Variants in CPPED1 observed in about 807,000 individuals in gnomAD.
CPPED1 encodes serine/threonine-protein phosphatase CPPED1.
A neutral mutation model predicts 28.0 loss-of-function variants in CPPED1; 28 were observed. The observed-to-expected ratio is 1.00, with a 90% CI of 0.74 to 1.37. The LOEUF (loss-of-function observed/expected upper bound fraction) is 1.37. Ranked by LOEUF, CPPED1 falls within the 40% of genes most tolerant of loss-of-function variation. The pLI is 0.00. For synonymous variants in CPPED1, 198 were observed against 180.2 expected, an observed-to-expected ratio of 1.10 and a Z score of -0.79; for missense variants, 504 against 416.5, an observed-to-expected ratio of 1.21 and a Z score of -1.83.
rs796934470 is a variant in CPPED1, at chr16:12,663,245, G to A, written c.*1641C>T. On this transcript the variant is annotated 3_prime_UTR_variant, in exon 4 of 4. Coordinates refer to ENST00000381774, the MANE Select transcript of CPPED1 (RefSeq NM_018340.3). ...CTGGCTAATTTTTGTATTTTTAGTA[G>A]AGATGGAGTTTCACCATGTTGGCCA... 5.3e-5 allele frequency: 8 copies of A among 152,296 alleles called. No homozygotes were observed. Among genetic ancestry groups the A allele is most frequent in the African/African-American group, 1.7e-4 (7 of 41,536 alleles). The allele number at this position is 152,296 out of a possible 1,614,324, so 9.4% of individuals were successfully genotyped here.
In CPPED1 at chr16:12,758,328, A is replaced by T. The variant is rs2080385533; in HGVS notation, c.289+22857T>A. Among the ~76,000 whole-genome samples the T allele has an allele frequency of 3.9e-5, 6 of 152,194 alleles. No homozygotes were observed. In the South Asian group the frequency reaches 1.0e-3, roughly 26 times the overall value. On this transcript the variant is annotated intron_variant, in intron 2 of 3. Coordinates refer to ENST00000381774, the MANE Select transcript of CPPED1 (RefSeq NM_018340.3). The stretch of plus-strand genomic sequence containing the variant: ...TCCAGGAGCATGCCTGTGGACAAAT[A>T]GCTCCTAAATGACATTGAGTTTTAA...
intron 2 of CPPED1, among the ~76,000 whole-genome samples, chr16:12,779,975 A>G (rs1436665287): frequency 6.6e-6 from 1 of 152,134 alleles, no homozygotes; most frequent in Non-Finnish European, 1.5e-5. Context: ...GCCTGGGAGA[A>G]AAGGACATCA....
intron 2 of CPPED1, among the ~76,000 whole-genome samples, chr16:12,706,166 G>C (rs1437118048): frequency 1.3e-5 from 2 of 151,916 alleles, no homozygotes; most frequent in African/African-American, 4.8e-5. Context: ...TTAATATATA[G>C]TAAGTTAATA....
At chr16:12,732,764 C>T (rs1471969614) in intron 2 of CPPED1, among the ~76,000 whole-genome samples, 1 of 152,172 alleles carries the variant, frequency 6.6e-6, no homozygotes, top group African/African-American at 2.4e-5. Context: ...AAAAATAACT[C>T]CTCACCTATC....
intron 2 of CPPED1, among the ~76,000 whole-genome samples, chr16:12,766,298 G>C (rs867431950): frequency 7.8e-6 from 1 of 128,792 alleles, no homozygotes; most frequent in African/African-American, 2.7e-5. Context: ...GAGAGAAAGA[G>C]AGAGAGAGAG....
intron 2 of CPPED1, among the ~76,000 whole-genome samples, chr16:12,712,038 T>C (rs1469849814): frequency 6.6e-6 from 1 of 152,142 alleles, no homozygotes; most frequent in Non-Finnish European, 1.5e-5. Context: ...CCCTGAGAAA[T>C]GCAGGAAAGA....
At chr16:12,735,143 A>C (rs1183917061) in intron 2 of CPPED1, among the ~76,000 whole-genome samples, 1 of 152,166 alleles carries the variant, frequency 6.6e-6, no homozygotes. Context: ...TATCGGGTAC[A>C]AATTCCCTTT....
In CPPED1 at chr16:12,789,672, C is replaced by T. The variant is rs144184136; in HGVS notation, c.71-8269G>A. 3.6e-3 allele frequency among the ~76,000 whole-genome samples: 542 copies of T among 152,018 alleles called. 3 individuals are homozygous for T. Among genetic ancestry groups the T allele is most frequent in the African/African-American group, 0.012 (480 of 41,460 alleles). On this transcript the variant is annotated intron_variant, in intron 1 of 3. Coordinates refer to ENST00000381774, the MANE Select transcript of CPPED1 (RefSeq NM_018340.3). ...TCTGGAGTCGACGGGAGCACAGGTGCGCGACACCATGCCTGGTTAATTTTT... is the reference window on the plus strand; with the variant it reads ...TCTGGAGTCGACGGGAGCACAGGTGTGCGACACCATGCCTGGTTAATTTTT...
intron 2 of CPPED1, among the ~76,000 whole-genome samples, chr16:12,733,700 A>G (rs1462778914): frequency 2.0e-5 from 3 of 152,204 alleles, no homozygotes; most frequent in Non-Finnish European, 4.4e-5. Context: ...AGTAAGTAAG[A>G]TCTAGAAACA....
At chr16:12,761,338 T>C (rs76316453) in intron 2 of CPPED1, among the ~76,000 whole-genome samples, 2,307 of 150,736 alleles carry the variant, frequency 0.015, 65 homozygotes, top group African/African-American at 0.053. Context: ...GGAGAAGTTC[T>C]GAGTTTCTGA....
At chr16:12,718,079 A>C (rs1410578135) in intron 2 of CPPED1, among the ~76,000 whole-genome samples, 1 of 152,272 alleles carries the variant, frequency 6.6e-6, no homozygotes, top group Non-Finnish European at 1.5e-5. Flanking sequence ...CACCACCAGT[A>C]GATACAGCAA....
chr16:12,674,094 G>A (rs2079866195), intron 3 of CPPED1, among the ~76,000 whole-genome samples: 1 of 152,112 alleles, frequency 6.6e-6, no homozygotes, highest in East Asian at 1.9e-4. Flanking sequence ...CTACTAGTGA[G>A]CAAAGCAGTT....
chr16:12,787,595 TG>T (rs1480678201), intron 1 of CPPED1, among the ~76,000 whole-genome samples: 1 of 151,954 alleles, frequency 6.6e-6, no homozygotes, highest in Admixed American at 6.6e-5. Flanking sequence ...TTAGTAGAGA[TG>T]GGGTTTCACT....
At chr16:12,692,509 T>C (rs1224998523) in intron 3 of CPPED1, among the ~76,000 whole-genome samples, 1 of 152,220 alleles carries the variant, frequency 6.6e-6, no homozygotes, top group Admixed American at 6.5e-5. Context: ...TACTGGATTA[T>C]TTCATCTGAT....
intron 2 of CPPED1, among the ~76,000 whole-genome samples, chr16:12,748,729 A>G (rs559581701): frequency 1.3e-5 from 2 of 152,138 alleles, no homozygotes; most frequent in South Asian, 4.1e-4. Context: ...ATTAAAAATA[A>G]AAAATTAGCC....
intron 2 of CPPED1, among the ~76,000 whole-genome samples, chr16:12,712,287 C>T (rs372417899): frequency 5.9e-5 from 9 of 152,204 alleles, no homozygotes; most frequent in South Asian, 2.1e-4. Context: ...AGGTTGGAAA[C>T]GGAATAGTCA....
intron 1 of CPPED1, among the ~76,000 whole-genome samples, chr16:12,784,080 G>A (rs1413857507): frequency 1.3e-5 from 2 of 152,166 alleles, no homozygotes; most frequent in Non-Finnish European, 2.9e-5. Context: ...TATGATGATG[G>A]CAGTCCCTTC....
At chr16:12,755,281 CT>C (rs35135598) in intron 2 of CPPED1, among the ~76,000 whole-genome samples, 96 of 128,770 alleles carry the variant, frequency 7.5e-4, no homozygotes, top group African/African-American at 8.0e-4. Context: ...AGTATGCATT[CT>C]TTTTTTTTTT....
intron 1 of CPPED1, among the ~76,000 whole-genome samples, chr16:12,793,689 G>T (rs1350606503): frequency 2.0e-5 from 3 of 152,196 alleles, no homozygotes; most frequent in East Asian, 3.8e-4. Context: ...ACCATTCACA[G>T]TAACCCCTAC....
Sources: gnomAD v4.1 joint callset for allele counts (sites outside exome capture counted in the v4.1 genomes callset) on GRCh38, gnomAD v4.1.1 for gene constraint, MANE v1.5 for transcripts, NCBI Gene and HGNC (gene_info 2026-07-23, HGNC 2026-07-21) for gene names.